POGZ: variants seen among roughly 807,000 people sequenced by gnomAD.
The protein encoded by POGZ is pogo transposable element derived with ZNF domain.
POGZ carries 17 observed loss-of-function variants against 134.6 expected under a neutral mutation model. That is an observed-to-expected ratio of 0.13 (90% confidence interval 0.09 to 0.19). The LOEUF (loss-of-function observed/expected upper bound fraction) is 0.19. Among genes scored for constraint, POGZ ranks in the 10% least tolerant of loss-of-function variants. The pLI, the probability that POGZ is intolerant of heterozygous loss-of-function variation, is 1.00. For missense variants in POGZ, 1,306 were observed against 1,769.7 expected, an observed-to-expected ratio of 0.74 and a Z score of 4.70; for synonymous variants, 693 against 657.1, an observed-to-expected ratio of 1.05 and a Z score of -0.84.
intron 1 of POGZ, among the ~76,000 whole-genome samples, chr1:151,444,933 T>C (rs192652827): frequency 1.6e-4 from 24 of 152,030 alleles, no homozygotes; most frequent in Admixed American, 7.2e-4. Flanking sequence ...GGTAGGAGGA[T>C]TGAGGATCGC....
chr1:151,445,937 C>A (rs1001781555), intron 1 of POGZ, among the ~76,000 whole-genome samples: 1 of 151,618 alleles, frequency 6.6e-6, no homozygotes, highest in East Asian at 1.9e-4. Context: ...AAAAGGAAAT[C>A]TTATACTAAC....
intron 1 of POGZ, among the ~76,000 whole-genome samples, chr1:151,443,504 C>G (rs943933255): frequency 6.6e-6 from 1 of 152,124 alleles, no homozygotes; most frequent in Non-Finnish European, 1.5e-5. Context: ...CACCTGAGAT[C>G]GGGAGTTTGA....
intron 3 of POGZ, among the ~76,000 whole-genome samples, chr1:151,431,081 T>C (rs1056925905): frequency 6.6e-6 from 1 of 152,028 alleles, no homozygotes; most frequent in Non-Finnish European, 1.5e-5. Context: ...CCACATTTTA[T>C]TAGAAACAGA....
At chr1:151,435,498 CT>C (rs60354484) in intron 3 of POGZ, among the ~76,000 whole-genome samples, 19 of 146,870 alleles carry the variant, frequency 1.3e-4, no homozygotes, top group African/African-American at 2.0e-4. Context: ...TGATACTTTC[CT>C]TTTTTTTTTT....
chr1:151,445,437 G>A (rs2102387739), intron 1 of POGZ, among the ~76,000 whole-genome samples: 1 of 149,232 alleles, frequency 6.7e-6, no homozygotes. Flanking sequence ...CAGGAGAATC[G>A]CTTGAACCCA....
intron 1 of POGZ, among the ~76,000 whole-genome samples, chr1:151,451,309 ATTAT>A (rs1230264704): frequency 9.9e-5 from 15 of 151,870 alleles, no homozygotes; most frequent in Admixed American, 1.3e-4. Context: ...AATCAAATCA[ATTAT>A]TTATTTATTT....
Position 151,403,455 on chromosome 1 carries a change from G to A in POGZ, c.*1347C>T, listed in dbSNP as rs929197781. On this transcript the variant is annotated 3_prime_UTR_variant, in exon 19 of 19. Transcript: ENST00000271715. ...GTTTGCCTCCTTGGCTCACAGGAGG[G>A]GAACATTGTGGAAAGCCTCAGGATA... 4.1e-6 allele frequency: 4 copies of A among 985,696 alleles called. No homozygotes were observed. The highest frequency in any genetic ancestry group is 2.4e-6 in the Non-Finnish European group (2 of 829,846). 61.1% of individuals were successfully genotyped at this position (985,696 alleles called of 1,614,324 possible).
chr1:151,444,519 T>C (rs1480774767), intron 1 of POGZ, among the ~76,000 whole-genome samples: 6 of 152,232 alleles, frequency 3.9e-5, no homozygotes, highest in Non-Finnish European at 7.3e-5. Context: ...GAATATAAAC[T>C]GTGGACAATA....
chr1:151,406,970 G>A lies in POGZ; in HGVS notation c.2486C>T (p.Ala829Val). Reference protein sequence around the residue: ...SCTFVTSVGDAMAKHLVFNPS... With the variant: ...SCTFVTSVGDVMAKHLVFNPS... ...GTTGAATACCAAATGCTTGGCCATAGCATCGCCCACAGAGGTAACAAAGGT... is the reference window on the plus strand; with the variant it reads ...GTTGAATACCAAATGCTTGGCCATAACATCGCCCACAGAGGTAACAAAGGT... Residue 829 changes from alanine to valine, a missense_variant, in exon 17 of 19, where the codon GCT (alanine) becomes GTT (valine). This residue lies in a region of POGZ where 214 missense variants were observed against 255.5 expected (regional missense o/e 0.84). Transcript: ENST00000271715. 2.5e-6 allele frequency: 4 copies of A among 1,614,162 alleles called. No individual in the cohort carries two copies. The South Asian group carries it at 3.3e-5, about 13-fold the overall frequency.
At chr1:151,458,778 G>A (rs1264829660) in intron 1 of POGZ, among the ~76,000 whole-genome samples, 16 of 145,606 alleles carry the variant, frequency 1.1e-4, no homozygotes, top group Admixed American at 2.7e-4. Context: ...GCGTGTGGAC[G>A]TCGGGCTGTG....
chr1:151,422,959 G>A (rs1657186698), intron 10 of POGZ, among the ~76,000 whole-genome samples: 1 of 152,168 alleles, frequency 6.6e-6, no homozygotes, highest in South Asian at 2.1e-4. Flanking sequence ...AATATACAGT[G>A]TAGAAAACAC....
chr1:151,433,540 A>G (rs970689170), intron 3 of POGZ, among the ~76,000 whole-genome samples: 7 of 147,270 alleles, frequency 4.8e-5, no homozygotes, highest in Non-Finnish European at 8.9e-5. Flanking sequence ...CCCAGGAGGC[A>G]GAGGTTGCAT....
chr1:151,451,982 A>G (rs1280046755), intron 1 of POGZ, among the ~76,000 whole-genome samples: 2 of 151,228 alleles, frequency 1.3e-5, no homozygotes, highest in Non-Finnish European at 1.5e-5. Context: ...CTGTAATCCC[A>G]GCTACTCAGG....
Position 151,404,305 on chromosome 1 carries a change from CTACA to C in POGZ, c.*493_*496del. 4 of 984,532 alleles carry C rather than the reference CTACA, an allele frequency of 4.1e-6. No homozygotes were observed. The highest frequency in any genetic ancestry group is 3.6e-6 in the Non-Finnish European group (3 of 828,848). The allele number at this position is 984,532 out of a possible 1,614,324, so 61.0% of individuals were successfully genotyped here. On this transcript the variant is annotated 3_prime_UTR_variant, in exon 19 of 19. Coordinates refer to ENST00000271715, the MANE Select transcript of POGZ (RefSeq NM_015100.4). ...TATATATAATAAACCAGTTTGTGAG[CTACA>C]TAATTTGTCTTTCCCATCTTCAGAA...
chr1:151,405,282 T>G lies in POGZ; in HGVS notation c.3753A>C (p.Ala1251=), dbSNP rs1337404086. The G allele has an allele frequency of 1.9e-6, 3 of 1,614,112 alleles. No homozygotes were observed. Among genetic ancestry groups the G allele is most frequent in the Non-Finnish European group, 2.5e-6 (3 of 1,180,024 alleles). ...TGGAGCTACAGCCTGCTGGGACCAC[T>G]GCAGGCAAAGTGCTAGAGGCACTAA... The part of the protein sequence containing the change: ...AMLSASSTLP[A]VVPAGCSSKI... Residue 1251 remains alanine (A), a synonymous_variant, in exon 19 of 19, where the codon GCA becomes GCC. Coordinates refer to ENST00000271715, the MANE Select transcript of POGZ (RefSeq NM_015100.4). This position sits in a 1 kb window ranked among gnomAD's most constrained non-coding sequence, Gnocchi z 4.9.
chr1:151,457,672 A>T (rs563959465), intron 1 of POGZ, among the ~76,000 whole-genome samples: 2 of 152,266 alleles, frequency 1.3e-5, no homozygotes, highest in Non-Finnish European at 2.9e-5. Flanking sequence ...GACGCCTGTA[A>T]TCCCAGCACT....
At position 151,404,440 on chromosome 1, in the gene POGZ, G is replaced by C; in HGVS notation, c.*362C>G. 9 of 1,004,292 alleles carry C rather than the reference G, an allele frequency of 9.0e-6. No individual in the cohort carries two copies. The highest frequency in any genetic ancestry group is 1.1e-5 in the Non-Finnish European group (9 of 841,096). The allele number at this position is 1,004,292 out of a possible 1,614,324, so 62.2% of individuals were successfully genotyped here. On this transcript the variant is annotated 3_prime_UTR_variant, in exon 19 of 19. Coordinates refer to ENST00000271715, the MANE Select transcript of POGZ (RefSeq NM_015100.4). ...TACTATGATACAATTGAGGTAAAAG[G>C]GGAAACAAAAAAATTTAACATTTGC...
chr1:151,437,246 T>A (rs1659747367), intron 3 of POGZ, among the ~76,000 whole-genome samples: 1 of 151,500 alleles, frequency 6.6e-6, no homozygotes, highest in Admixed American at 6.6e-5. Context: ...CACCTTCCAG[T>A]TTGTGGTTTG....
chr1:151,439,853 G>A (rs899968845), intron 3 of POGZ, among the ~76,000 whole-genome samples: 4 of 152,076 alleles, frequency 2.6e-5, no homozygotes, highest in African/African-American at 4.8e-5. Flanking sequence ...TTAACAATGC[G>A]AGAAAAGATA....
Sources: allele counts gnomAD v4.1 joint callset (sites outside exome capture counted in the v4.1 genomes callset), GRCh38; gene constraint gnomAD v4.1.1; regional missense constraint gnomAD v4.1.1; non-coding constraint Gnocchi (gnomAD v3.1); transcripts MANE v1.5; gene names NCBI Gene and HGNC (gene_info 2026-07-23, HGNC 2026-07-21).